The following MEP1B variants were observed in gnomAD, a reference collection of about 807,000 sequenced individuals.
The protein encoded by MEP1B is meprin A subunit beta, also known as N-benzoyl-L-tyrosyl-P-amino-benzoic acid hydrolase subunit beta.
MEP1B carries 80 observed loss-of-function variants against 84.6 expected under a neutral mutation model. The observed-to-expected ratio is 0.95, with a 90% CI of 0.79 to 1.14. The LOEUF is 1.14. Ranked by LOEUF, MEP1B falls within the 50% of genes most tolerant of loss-of-function variation. The pLI is 0.00. For missense variants in MEP1B, 766 were observed against 855.1 expected, an observed-to-expected ratio of 0.90 and a Z score of 1.30; for synonymous variants, 273 against 288.1, an observed-to-expected ratio of 0.95 and a Z score of 0.53.
At chr18:32,198,331 G>A (rs2040876716) in intron 5 of MEP1B, among the ~76,000 whole-genome samples, 1 of 152,190 alleles carries the variant, frequency 6.6e-6, no homozygotes, top group South Asian at 2.1e-4. Context: ...ATGATGTAGA[G>A]CTGCTTCAAG....
At chr18:32,203,546 T>C (rs1241708077) in intron 6 of MEP1B, among the ~76,000 whole-genome samples, 1 of 152,196 alleles carries the variant, frequency 6.6e-6, no homozygotes, top group Non-Finnish European at 1.5e-5. Flanking sequence ...TGCTCCTATG[T>C]AATATTTGGT....
intron 9 of MEP1B, 28 bp downstream of exon 9, chr18:32,208,299 G>A: frequency 1.9e-6 from 3 of 1,567,144 alleles, no homozygotes; most frequent in Non-Finnish European, 8.7e-7. Flanking sequence ...TTCCTAGACT[G>A]TATACTCAGT....
intron 13 of MEP1B, 62 bp from the exon 14 acceptor site, chr18:32,217,699 C>T: frequency 1.5e-6 from 2 of 1,340,488 alleles, no homozygotes; most frequent in Non-Finnish European, 2.1e-6. Flanking sequence ...ACATCTTTAA[C>T]TGTGAAGATT....
rs1283412336 is a variant in MEP1B at position 32,215,172 on chromosome 18, A to G, written c.1670A>G (p.Tyr557Cys). 2 of 1,612,310 alleles carry G rather than the reference A, an allele frequency of 1.2e-6. No homozygotes were observed. Among genetic ancestry groups the G allele is most frequent in the Non-Finnish European group, 1.7e-6 (2 of 1,178,762 alleles). ...ACTCAGTTTAGAAGAGGTGGGGGCT[A>G]TGGAACCAGTGCCTTTATAACCCAC... is the stretch of plus-strand genomic sequence containing the variant. The part of the protein sequence containing the change: ...NGTQFRRGGG[Y>C]GTSAFITHER... Residue 557 changes from tyrosine (Y) to cysteine (C), a missense_variant, in exon 12 of 15, where the codon TAT becomes TGT. Tyr to Cys is a radical substitution (Grantham distance 194). Transcript: ENST00000269202.
At chr18:32,198,554 A>G (rs2040878699) in intron 5 of MEP1B, among the ~76,000 whole-genome samples, 1 of 152,150 alleles carries the variant, frequency 6.6e-6, no homozygotes, top group Non-Finnish European at 1.5e-5. Flanking sequence ...ATAGCAAGGG[A>G]AGGGTGCTTT....
intron 5 of MEP1B, among the ~76,000 whole-genome samples, chr18:32,199,528 T>A (rs539629961): frequency 6.6e-6 from 1 of 152,278 alleles, no homozygotes; most frequent in Non-Finnish European, 1.5e-5. Flanking sequence ...ACAGGGGGCA[T>A]GAGGAGAGAA....
intron 10 of MEP1B, among the ~76,000 whole-genome samples, chr18:32,211,193 G>A (rs2041023493): frequency 1.3e-5 from 2 of 152,122 alleles, no homozygotes; most frequent in African/African-American, 4.8e-5. Context: ...GCTTGAACCC[G>A]GGAGGCGGGG....
chr18:32,195,665 A>G (rs1386139433), intron 5 of MEP1B, among the ~76,000 whole-genome samples, 180 bp downstream of exon 5: 1 of 152,190 alleles, frequency 6.6e-6, no homozygotes, highest in Non-Finnish European at 1.5e-5. Flanking sequence ...AAGTAACCTA[A>G]ATGACTCTGT....
chr18:32,195,425 A>T lies in MEP1B; in HGVS notation c.190A>T (p.Ile64Phe). Residue 64 changes from isoleucine (I) to phenylalanine (F), a missense_variant, in exon 5 of 15, where the codon ATC becomes TTC. Coordinates refer to ENST00000269202, the MANE Select transcript of MEP1B (RefSeq NM_005925.3). ...RLDRAQIRNSIIGEKYRWPHT... is the reference protein window; with the variant it reads ...RLDRAQIRNSFIGEKYRWPHT... The stretch of plus-strand genomic sequence containing the variant: ...TTGACAGGCACAAATTAGAAATTCC[A>T]TCATTGGAGAAAAGTATAGATGGCC... The T allele has an allele frequency of 6.2e-7, 1 of 1,611,864 alleles. No homozygotes were observed. Among genetic ancestry groups the T allele is most frequent in the Non-Finnish European group, 8.5e-7 (1 of 1,178,350 alleles).
rs551285785 is a variant in MEP1B, at chr18:32,196,109, C to T, written c.250+624C>T. On this transcript the variant is annotated intron_variant, in intron 5 of 14. Transcript: ENST00000269202. The surrounding 1 kb of genome is among the most constrained non-coding windows in gnomAD (Gnocchi z 4.4). ...TCTGGTGCCCCCGCTGGCTCGGGCT[C>T]GGTGGCCTTGGGCTCCTTGGCCTCA... 9 of 494,412 alleles carry T rather than the reference C, an allele frequency of 1.8e-5. No individual in the cohort carries two copies. The highest frequency in any genetic ancestry group is 8.5e-5 in the East Asian group (2 of 23,474). 30.6% of individuals were successfully genotyped at this position (494,412 alleles called of 1,614,324 possible).
At position 32,215,264 on chromosome 18, in the gene MEP1B, A is replaced by T; in HGVS notation, c.1759+3A>T. ...TTATATCCTACTGACAGTGGAAGGT[A>T]TGTCAATAAAAATAGTTTTATATAA... On this transcript the variant is annotated splice_donor_region_variant and intron_variant, in intron 12 of 14. Coordinates refer to ENST00000269202, the MANE Select transcript of MEP1B (RefSeq NM_005925.3). The T allele has an allele frequency of 6.5e-7, 1 of 1,548,002 alleles. No individual in the cohort carries two copies. Among genetic ancestry groups the T allele is most frequent in the Non-Finnish European group, 8.7e-7 (1 of 1,148,584 alleles).
intron 6 of MEP1B, among the ~76,000 whole-genome samples, chr18:32,203,667 G>A (rs779640042): frequency 2.0e-5 from 3 of 152,060 alleles, no homozygotes; most frequent in Non-Finnish European, 4.4e-5. Context: ...CCAGGGACTC[G>A]GTAATTTATA....
intron 4 of MEP1B, 93 bp from the exon 5 acceptor site, chr18:32,195,314 G>A: frequency 2.6e-6 from 2 of 762,396 alleles, no homozygotes; most frequent in Non-Finnish European, 4.5e-6. Context: ...AACTGGGAGA[G>A]CTTTAAACTT....
chr18:32,207,655 C>T (rs1412484364), intron 8 of MEP1B, among the ~76,000 whole-genome samples, 185 bp downstream of exon 8: 1 of 152,192 alleles, frequency 6.6e-6, no homozygotes, highest in Non-Finnish European at 1.5e-5. Flanking sequence ...TTTCTTTTCA[C>T]CACGTCTGGT....
At chr18:32,205,066 T>TA (rs2040950800) in intron 7 of MEP1B, among the ~76,000 whole-genome samples, 1 of 152,188 alleles carries the variant, frequency 6.6e-6, no homozygotes, top group African/African-American at 2.4e-5. Context: ...TAAAAGAAAT[T>TA]AGACTTACTT....
At chr18:32,206,890 G>A (rs575450780) in intron 7 of MEP1B, among the ~76,000 whole-genome samples, 69 of 152,224 alleles carry the variant, frequency 4.5e-4, no homozygotes, top group African/African-American at 1.6e-3. Flanking sequence ...GATTACAGGC[G>A]TGAGCCACCA....
chr18:32,194,590 T>G (rs553384002), intron 4 of MEP1B, among the ~76,000 whole-genome samples: 93 of 152,022 alleles, frequency 6.1e-4, no homozygotes, highest in South Asian at 1.5e-3. Context: ...ATTCAAAACA[T>G]CCCAGGCATA....
In MEP1B at chr18:32,220,082, A is replaced by T. The variant is rs937688344; in HGVS notation, c.2092-149A>T. ...AAAGCCAGGGCTCGAAATGGAGACCAGGAGCAGGAGCCATTGCCAGCTAGG... is the reference window on the plus strand; with the variant it reads ...AAAGCCAGGGCTCGAAATGGAGACCTGGAGCAGGAGCCATTGCCAGCTAGG... On this transcript the variant is annotated intron_variant, in intron 14 of 14. Transcript: ENST00000269202. 12 of 656,832 alleles carry T rather than the reference A, an allele frequency of 1.8e-5. No homozygotes were observed. In the African/African-American group the frequency reaches 2.0e-4, roughly 11 times the overall value. 40.7% of individuals were successfully genotyped at this position (656,832 alleles called of 1,614,324 possible). A position where few individuals can be genotyped will look rare whatever the true frequency, so the allele number is the denominator to read the frequency against.
intron 4 of MEP1B, 97 bp downstream of exon 4, chr18:32,192,914 CCTAA>C: frequency 1.1e-6 from 1 of 903,210 alleles, no homozygotes; most frequent in Non-Finnish European, 1.8e-6. Context: ...CTTTGTTAAG[CCTAA>C]CTATCTCTAA....
Sources: gnomAD v4.1 joint callset for allele counts (sites outside exome capture counted in the v4.1 genomes callset) on GRCh38, gnomAD v4.1.1 for gene constraint, Gnocchi (gnomAD v3.1) non-coding constraint, MANE v1.5 for transcripts, NCBI Gene and HGNC (gene_info 2026-07-23, HGNC 2026-07-21) for gene names.